Variants in ATP13A5 observed in about 807,000 individuals in gnomAD.
ATP13A5 encodes ATPase 13A5, also known as probable cation-transporting ATPase 13A5.
Under a neutral mutation model 150.2 loss-of-function variants are expected in ATP13A5, and 149 were observed. The observed-to-expected ratio is 0.99, with a 90% CI of 0.87 to 1.14. The LOEUF (loss-of-function observed/expected upper bound fraction) is 1.14, where lower values mean the gene tolerates loss of function less well. Ranked by LOEUF, ATP13A5 falls within the 50% of genes most tolerant of loss-of-function variation. The probability of loss-of-function intolerance (pLI) is 0.00; values close to 1 mark genes in which losing one functional copy is unlikely to be tolerated. For missense variants in ATP13A5, 1,383 were observed against 1,449.3 expected (o/e 0.95, Z 0.74); for synonymous variants, 497 against 522.2 (o/e 0.95, Z 0.66).
At chr3:193,343,790 A>G (rs1465693956) in intron 9 of ATP13A5, 137 bp downstream of exon 9, 1 of 927,970 alleles carries the variant, frequency 1.1e-6, no homozygotes, top group African/African-American at 1.7e-5. Flanking sequence ...GTGTCTCCAT[A>G]TAAATGCAAA....
At chr3:193,311,331 C>T (rs1018344132) in intron 20 of ATP13A5, among the ~76,000 whole-genome samples, 2 of 152,186 alleles carry the variant, frequency 1.3e-5, no homozygotes, top group African/African-American at 4.8e-5. Flanking sequence ...GACAGTGCAA[C>T]CCTGCACAGC....
intron 6 of ATP13A5, among the ~76,000 whole-genome samples, chr3:193,352,878 T>C (rs999902371): frequency 1.3e-5 from 2 of 152,064 alleles, no homozygotes; most frequent in African/African-American, 4.8e-5. Context: ...ACATGCACCA[T>C]TGAGTGGGGG....
Position 193,307,383 on chromosome 3 carries a change from G to A in ATP13A5, c.2526-14C>T, listed in dbSNP as rs1718658846. On this transcript the variant is annotated splice_polypyrimidine_tract_variant and intron_variant, in intron 21 of 29. Transcript: ENST00000342358. ...CCCACATAATAACTGCGGGAGACAG[G>A]AGAAGAAGGATTAATAGGTAAGAAA... 1.2e-6 allele frequency: 2 copies of A among 1,613,652 alleles called. No individual in the cohort carries two copies. Among genetic ancestry groups the A allele is most frequent in the Non-Finnish European group, 1.7e-6 (2 of 1,179,782 alleles).
chr3:193,318,674 GT>G (rs1420638466), intron 17 of ATP13A5, among the ~76,000 whole-genome samples: 1 of 152,110 alleles, frequency 6.6e-6, no homozygotes, highest in Non-Finnish European at 1.5e-5. Flanking sequence ...TTGAAGGAGC[GT>G]TGGTTGTTTT....
intron 9 of ATP13A5, among the ~76,000 whole-genome samples, chr3:193,339,860 T>C (rs1712047230): frequency 6.6e-6 from 1 of 152,146 alleles, no homozygotes; most frequent in Non-Finnish European, 1.5e-5. Context: ...CAGTAAACTG[T>C]TTTCTGCACA....
chr3:193,338,489 A>C (rs1711982569), intron 9 of ATP13A5, among the ~76,000 whole-genome samples: 1 of 152,210 alleles, frequency 6.6e-6, no homozygotes, highest in East Asian at 1.9e-4. Context: ...TCTTGAGATA[A>C]TCATGTGGGT....
In ATP13A5 at chr3:193,318,963, C is replaced by T. The variant is rs750528010; in HGVS notation, c.2033+28G>A. 1.1e-5 allele frequency: 16 copies of T among 1,514,474 alleles called. No homozygotes were observed. In the South Asian group the frequency reaches 1.8e-4, roughly 17 times the overall value. 93.8% of individuals were successfully genotyped at this position (1,514,474 alleles called of 1,614,324 possible). A position where few individuals can be genotyped will look rare whatever the true frequency, so the allele number is the denominator to read the frequency against. Reference sequence around the variant, plus strand: ...TCGCACTTCATGGGCACAGAGCCTGCTCTAGTGCCAATTTCTGAATTGCTT... The same window carrying T: ...TCGCACTTCATGGGCACAGAGCCTGTTCTAGTGCCAATTTCTGAATTGCTT... On this transcript the variant is annotated intron_variant, in intron 17 of 29. Transcript: ENST00000342358.
At chr3:193,310,827 G>T in intron 20 of ATP13A5, 110 bp from the exon 21 acceptor site, 1 of 708,760 alleles carries the variant, frequency 1.4e-6, no homozygotes, top group Non-Finnish European at 2.3e-6. Context: ...TACAGCATTG[G>T]ATGGTATGTC....
intron 6 of ATP13A5, 62 bp from the exon 7 acceptor site, chr3:193,351,263 G>A (rs1712552652): frequency 6.4e-7 from 1 of 1,570,128 alleles, no homozygotes; most frequent in Non-Finnish European, 8.7e-7. Context: ...TCAAGAAGAT[G>A]TCATTTCATT....
chr3:193,344,895 G>T, intron 8 of ATP13A5, 108 bp downstream of exon 8: 2 of 1,134,360 alleles, frequency 1.8e-6, no homozygotes, highest in Non-Finnish European at 2.6e-6. Flanking sequence ...CCCAGTTCTG[G>T]GTTCAATCTG....
At chr3:193,307,029 G>A in intron 22 of ATP13A5, 4 of 833,392 alleles carry the variant, frequency 4.8e-6, no homozygotes, top group Non-Finnish European at 5.8e-6. Context: ...CTGATAACAG[G>A]AAAGATTTAA....
intron 29 of ATP13A5, among the ~76,000 whole-genome samples, chr3:193,275,838 C>A (rs1228758043): frequency 6.6e-6 from 1 of 152,090 alleles, no homozygotes; most frequent in African/African-American, 2.4e-5. Flanking sequence ...GCTAAACTTT[C>A]TGTGGTAAAC....
chr3:193,350,929 C>T, intron 7 of ATP13A5, 138 bp downstream of exon 7: 1 of 909,028 alleles, frequency 1.1e-6, no homozygotes, highest in Middle Eastern at 3.1e-4. Context: ...TTCTGTCATC[C>T]CATATTTGGT....
chr3:193,309,510 G>A (rs1267730714), intron 21 of ATP13A5, among the ~76,000 whole-genome samples: 2 of 152,020 alleles, frequency 1.3e-5, no homozygotes, highest in Admixed American at 6.6e-5. Context: ...TGGCATCCAC[G>A]CCCTGTGTAA....
At chr3:193,314,877 C>T (rs1560128487) in intron 18 of ATP13A5, 95 bp downstream of exon 18, 2 of 1,477,214 alleles carry the variant, frequency 1.4e-6, no homozygotes, top group Non-Finnish European at 1.8e-6. Context: ...AACATTTTTC[C>T]CTGTCTCTGA....
chr3:193,295,171 A>G (rs997593741), intron 25 of ATP13A5, among the ~76,000 whole-genome samples: 1 of 152,072 alleles, frequency 6.6e-6, no homozygotes, highest in Non-Finnish European at 1.5e-5. Context: ...GATTTGACCC[A>G]ATTCACTTTT....
In ATP13A5 at chr3:193,374,441, G is replaced by A. The variant is rs371592401; in HGVS notation, c.63+4222C>T. 4.6e-5 allele frequency among the ~76,000 whole-genome samples: 7 copies of A among 152,104 alleles called. No homozygotes were observed. The East Asian group carries it at 5.8e-4, about 13-fold the overall frequency. Reference sequence around the variant, plus strand: ...GAACATCACTTGAGCCCAGGAGTTTGAGACCAGCCTGGAAAACGTAGGGAG... The same window carrying A: ...GAACATCACTTGAGCCCAGGAGTTTAAGACCAGCCTGGAAAACGTAGGGAG... On this transcript the variant is annotated intron_variant, in intron 1 of 29. Coordinates refer to ENST00000342358, the MANE Select transcript of ATP13A5 (RefSeq NM_198505.4).
intron 1 of ATP13A5, among the ~76,000 whole-genome samples, chr3:193,370,495 T>C (rs1713401851): frequency 6.6e-6 from 1 of 152,198 alleles, no homozygotes; most frequent in South Asian, 2.1e-4. Flanking sequence ...GGATATGGCA[T>C]GGGAAAACCA....
chr3:193,366,141 G>A (rs983240063), intron 1 of ATP13A5, among the ~76,000 whole-genome samples: 4 of 152,032 alleles, frequency 2.6e-5, no homozygotes, highest in Non-Finnish European at 5.9e-5. Context: ...AGCATACTGT[G>A]ATGTAGAAAC....
Sources: allele counts gnomAD v4.1 joint callset (sites outside exome capture counted in the v4.1 genomes callset), GRCh38; gene constraint gnomAD v4.1.1; transcripts MANE v1.5; gene names NCBI Gene and HGNC (gene_info 2026-07-23, HGNC 2026-07-21).